NEDD4: variants seen among roughly 807,000 people sequenced by gnomAD.
NEDD4 encodes E3 ubiquitin-protein ligase NEDD4.
Under a neutral mutation model 144.9 loss-of-function variants are expected in NEDD4, and 99 were observed. The ratio of observed to expected loss-of-function variants is 0.68; its 90% CI spans 0.58 to 0.81. The LOEUF (loss-of-function observed/expected upper bound fraction) is 0.81, where lower values mean the gene tolerates loss of function less well. Ranked by LOEUF, NEDD4 falls within the 30% of genes least tolerant of loss-of-function variation. The pLI is 0.00. For synonymous variants in NEDD4, 318 were observed against 350.6 expected (o/e 0.91, Z 1.04); for missense variants, 985 against 1,065.9 (o/e 0.92, Z 1.06).
In NEDD4 at chr15:55,860,729, G is replaced by C. The variant is rs1416428099; in HGVS notation, c.724C>G (p.Arg242Gly). 1 of 1,614,054 alleles carries C rather than the reference G, an allele frequency of 6.2e-7. No individual in the cohort carries two copies. The highest frequency in any genetic ancestry group is 1.3e-5 in the African/African-American group (1 of 74,924). ...ENGNIQLQAQ[R>G]AFTTRRQISE... ...ATCTGCCGCCTGGTGGTAAATGCACGTTGTGCTTGCAGTTGAATGTTGCCA... is the reference window on the plus strand; with the variant it reads ...ATCTGCCGCCTGGTGGTAAATGCACCTTGTGCTTGCAGTTGAATGTTGCCA... Residue 242 changes from arginine (R) to glycine (G), a missense_variant, in exon 10 of 29, where the codon CGT becomes GGT. By Grantham distance (125) the Arg-to-Gly change is moderately radical. Coordinates refer to ENST00000435532, the MANE Select transcript of NEDD4 (RefSeq NM_006154.4).
At chr15:55,960,017 G>A (rs1376381434) in intron 2 of NEDD4, among the ~76,000 whole-genome samples, 1 of 152,062 alleles carries the variant, frequency 6.6e-6, no homozygotes, top group East Asian at 1.9e-4. Flanking sequence ...CCTCCTCTCA[G>A]CTCCTCAATG....
At position 55,829,670 on chromosome 15, in the gene NEDD4, ACC is replaced by A. The variant is rs2032851486; in HGVS notation, c.*225_*226del. ...TGGTGGTGCCTGGCTTTAGGCAGGCACCTAACTCTAAAGACAGCATGAAACAA... is the reference window on the plus strand; with the variant it reads ...TGGTGGTGCCTGGCTTTAGGCAGGCATAACTCTAAAGACAGCATGAAACAA... On this transcript the variant is annotated 3_prime_UTR_variant, in exon 29 of 29. Transcript: ENST00000435532. 2.5e-6 allele frequency: 1 copy of A among 401,178 alleles called. No homozygotes were observed. Among genetic ancestry groups the A allele is most frequent in the African/African-American group, 2.0e-5 (1 of 48,828 alleles). The allele number at this position is 401,178 out of a possible 1,614,324, so 24.9% of individuals were successfully genotyped here.
chr15:55,892,286 A>C (rs1354728476), intron 5 of NEDD4, among the ~76,000 whole-genome samples: 2 of 56,168 alleles, frequency 3.6e-5, no homozygotes, highest in Admixed American at 3.1e-4. Flanking sequence ...ATAAATAAAT[A>C]AATAAATAAA....
In NEDD4 at chr15:55,840,497, A is replaced by T. The variant is rs756785614; in HGVS notation, c.1981T>A (p.Tyr661Asn). 3 of 1,613,918 alleles carry T rather than the reference A, an allele frequency of 1.9e-6. No homozygotes were observed. Among genetic ancestry groups the T allele is most frequent in the Non-Finnish European group, 1.7e-6 (2 of 1,179,982 alleles). ...ATTGGTTTGTGAAGCATCATCTTGT[A>T]AAATGGGCGGATGAAAAAACCTTGC... ...LLDGFFIRPF[Y>N]KMMLHKPITL... Residue 661 changes from tyrosine to asparagine, a missense_variant, in exon 21 of 29, where the codon TAC becomes AAC. Transcript: ENST00000435532.
chr15:55,873,990 C>T lies in NEDD4; in HGVS notation c.310G>A (p.Gly104Ser). The T allele has an allele frequency of 6.5e-7, 1 of 1,542,120 alleles. No individual in the cohort carries two copies. The highest frequency in any genetic ancestry group is 8.8e-7 in the Non-Finnish European group (1 of 1,138,272). The change falls in exon 6 of 29, where the codon GGT becomes AGT. Residue 104 changes from glycine (G) to serine (S), a missense_variant. Physicochemically the swap from Gly to Ser is moderately conservative, Grantham distance 56. Coordinates refer to ENST00000435532, the MANE Select transcript of NEDD4 (RefSeq NM_006154.4). ...ENRLTRDDFL[G>S]QVDVPLYPLP... ...GGATAAAGTGGAACATCCACTTGAC[C>T]TAGGAAATCATCTCTTGTCTATAAG...
At chr15:55,982,155 T>C (rs1209879930) in intron 1 of NEDD4, among the ~76,000 whole-genome samples, 1 of 152,218 alleles carries the variant, frequency 6.6e-6, no homozygotes, top group Non-Finnish European at 1.5e-5. Context: ...CAACTAGAAC[T>C]TTCACATATT....
intron 1 of NEDD4, among the ~76,000 whole-genome samples, chr15:55,967,751 C>T (rs1374005036): frequency 3.3e-5 from 5 of 151,684 alleles, no homozygotes; most frequent in Admixed American, 6.6e-5. Context: ...CCAGTTATGC[C>T]GGCACACACC....
intron 14 of NEDD4, among the ~76,000 whole-genome samples, 173 bp downstream of exon 14, chr15:55,850,369 A>G (rs1465314131): frequency 1.3e-5 from 2 of 152,248 alleles, no homozygotes; most frequent in Non-Finnish European, 2.9e-5. Flanking sequence ...AATATTAAAA[A>G]GACGCATAAG....
intron 5 of NEDD4, among the ~76,000 whole-genome samples, chr15:55,923,763 T>C (rs577439870): frequency 6.6e-6 from 1 of 152,102 alleles, no homozygotes; most frequent in Admixed American, 6.5e-5. Context: ...ATATCTTTAG[T>C]TGCCAGTATA....
chr15:55,851,553 C>T (rs560836608), intron 13 of NEDD4, among the ~76,000 whole-genome samples: 3 of 151,932 alleles, frequency 2.0e-5, no homozygotes, highest in Admixed American at 1.3e-4. Context: ...CTTGGCTCAC[C>T]GCAACCTCCG....
At chr15:55,875,669 A>G (rs778252151) in intron 5 of NEDD4, among the ~76,000 whole-genome samples, 6 of 152,152 alleles carry the variant, frequency 3.9e-5, no homozygotes, top group Non-Finnish European at 8.8e-5. Context: ...AAAAAATTCA[A>G]TAAATGGGTT....
intron 4 of NEDD4, among the ~76,000 whole-genome samples, chr15:55,938,405 C>A (rs1458863466): frequency 2.0e-5 from 3 of 151,872 alleles, no homozygotes; most frequent in East Asian, 1.9e-4. Flanking sequence ...AACTGGATAT[C>A]CATACGCAAA....
intron 2 of NEDD4, among the ~76,000 whole-genome samples, chr15:55,964,494 T>C (rs2142326043): frequency 6.6e-6 from 1 of 152,236 alleles, no homozygotes; most frequent in Admixed American, 6.5e-5. Flanking sequence ...ATGGTTTCCA[T>C]TTCATTTCAT....
intron 2 of NEDD4, among the ~76,000 whole-genome samples, chr15:55,959,890 G>GCTGAATT (rs1363788050): frequency 6.6e-6 from 1 of 152,180 alleles, no homozygotes; most frequent in African/African-American, 2.4e-5. Context: ...CTTAATGACA[G>GCTGAATT]CTGAAGTGAA....
chr15:55,846,942 T>A lies in NEDD4; in HGVS notation c.1608+27A>T, dbSNP rs771570983. The A allele has an allele frequency of 5.1e-6, 7 of 1,375,560 alleles. No homozygotes were observed. In the South Asian group the frequency reaches 8.3e-5, roughly 16 times the overall value. 85.2% of individuals were successfully genotyped at this position (1,375,560 alleles called of 1,614,324 possible). A position where few individuals can be genotyped will look rare whatever the true frequency, so the allele number is the denominator to read the frequency against. On this transcript the variant is annotated intron_variant, in intron 18 of 28. Coordinates refer to ENST00000435532, the MANE Select transcript of NEDD4 (RefSeq NM_006154.4). Reference sequence around the variant, plus strand: ...TTTCCATCTATATATTGATGACTCTTAAGTATTTATTATAAACATGACTAA... The same window carrying A: ...TTTCCATCTATATATTGATGACTCTAAAGTATTTATTATAAACATGACTAA...
intron 8 of NEDD4, among the ~76,000 whole-genome samples, chr15:55,866,269 T>TG (rs2034585090): frequency 6.6e-6 from 1 of 151,664 alleles, no homozygotes; most frequent in South Asian, 2.1e-4. Flanking sequence ...TTCTCTCTAT[T>TG]TTTTCTTTTT....
chr15:55,836,331 G>GACACACAC (rs10526731), intron 24 of NEDD4, among the ~76,000 whole-genome samples: 34 of 148,052 alleles, frequency 2.3e-4, no homozygotes, highest in Middle Eastern at 3.5e-3. Flanking sequence ...AAAAGTATGT[G>GACACACAC]ACACACACAC....
intron 5 of NEDD4, among the ~76,000 whole-genome samples, chr15:55,879,146 A>C (rs1286024170): frequency 6.6e-6 from 1 of 152,220 alleles, no homozygotes; most frequent in Non-Finnish European, 1.5e-5. Context: ...TTATAAAAAG[A>C]AGATACAAAA....
intron 1 of NEDD4, among the ~76,000 whole-genome samples, chr15:55,980,088 G>A (rs71476760): frequency 0.069 from 10,535 of 152,006 alleles, 475 homozygotes; most frequent in Non-Finnish European, 0.1. Flanking sequence ...GATTACAGGC[G>A]CGTGCCACTA....
Sources: gnomAD v4.1 joint callset for allele counts (sites outside exome capture counted in the v4.1 genomes callset) on GRCh38, gnomAD v4.1.1 for gene constraint, MANE v1.5 for transcripts, NCBI Gene and HGNC (gene_info 2026-07-23, HGNC 2026-07-21) for gene names.